Variants in FBXL7 observed in about 807,000 individuals in gnomAD.
FBXL7 encodes the protein F-box/LRR-repeat protein 7.
In FBXL7, 12 loss-of-function variants were observed where a neutral mutation model predicts 38.3. The observed-to-expected ratio is 0.31, with a 90% CI of 0.20 to 0.51. The LOEUF (loss-of-function observed/expected upper bound fraction) is 0.51, where lower values mean the gene tolerates loss of function less well. Among genes scored for constraint, FBXL7 ranks in the 20% least tolerant of loss-of-function variants. The probability of loss-of-function intolerance (pLI) is 0.98; values close to 1 mark genes in which losing one functional copy is unlikely to be tolerated. For synonymous variants in FBXL7, 297 were observed against 300.9 expected, an observed-to-expected ratio of 0.99 and a Z score of 0.13; for missense variants, 567 against 676.4, an observed-to-expected ratio of 0.84 and a Z score of 1.79.
chr5:15,515,947 T>G (rs1338522988), intron 1 of FBXL7, among the ~76,000 whole-genome samples: 1 of 152,312 alleles, frequency 6.6e-6, no homozygotes, highest in African/African-American at 2.4e-5. Flanking sequence ...TAAAAACAGA[T>G]GATTAGCTTA....
At chr5:15,724,572 G>A (rs1744289903) in intron 2 of FBXL7, among the ~76,000 whole-genome samples, 1 of 152,128 alleles carries the variant, frequency 6.6e-6, no homozygotes, top group Non-Finnish European at 1.5e-5. Context: ...AACTGTCCCA[G>A]AATTTCATAA....
intron 2 of FBXL7, among the ~76,000 whole-genome samples, chr5:15,717,055 G>T (rs1173872200): frequency 2.6e-5 from 4 of 152,094 alleles, no homozygotes; most frequent in Non-Finnish European, 5.9e-5. Context: ...TTTAGCTTTG[G>T]TATGACTTTA....
At chr5:15,897,631 T>A (rs1223517144) in intron 2 of FBXL7, among the ~76,000 whole-genome samples, 2 of 151,870 alleles carry the variant, frequency 1.3e-5, no homozygotes, top group African/African-American at 2.4e-5. Flanking sequence ...ACAACATGAG[T>A]AGTGTCTGAA....
At chr5:15,762,649 TCTTA>T (rs1736480532) in intron 2 of FBXL7, among the ~76,000 whole-genome samples, 1 of 152,236 alleles carries the variant, frequency 6.6e-6, no homozygotes. Flanking sequence ...CAATGCTCTC[TCTTA>T]GAGTTGTTTT....
chr5:15,543,325 T>C (rs1284724615), intron 1 of FBXL7, among the ~76,000 whole-genome samples: 1 of 151,892 alleles, frequency 6.6e-6, no homozygotes, highest in Non-Finnish European at 1.5e-5. Context: ...ATCATATCTG[T>C]GAGACTTACT....
intron 2 of FBXL7, among the ~76,000 whole-genome samples, chr5:15,856,971 T>C (rs1165912159): frequency 6.6e-6 from 1 of 152,222 alleles, no homozygotes; most frequent in Non-Finnish European, 1.5e-5. Context: ...GCAAGTATTT[T>C]TGTAAGATAA....
At chr5:15,524,858 C>A (rs1037244067) in intron 1 of FBXL7, among the ~76,000 whole-genome samples, 2 of 152,116 alleles carry the variant, frequency 1.3e-5, no homozygotes, top group African/African-American at 4.8e-5. Flanking sequence ...GCTGAAGGAA[C>A]AAGGAGTGGC....
At chr5:15,536,593 C>T (rs898020059) in intron 1 of FBXL7, among the ~76,000 whole-genome samples, 1 of 152,146 alleles carries the variant, frequency 6.6e-6, no homozygotes, top group African/African-American at 2.4e-5. Flanking sequence ...CTTTGTTTTG[C>T]CCAGTTTGTC....
chr5:15,794,185 C>T (rs116628367), intron 2 of FBXL7, among the ~76,000 whole-genome samples: 166 of 152,256 alleles, frequency 1.1e-3, no homozygotes, highest in Non-Finnish European at 1.9e-3. Flanking sequence ...TGGCTAAAAG[C>T]GGAATAGACA....
intron 2 of FBXL7, among the ~76,000 whole-genome samples, chr5:15,838,441 C>T (rs953033412): frequency 1.1e-4 from 16 of 152,032 alleles, no homozygotes; most frequent in Non-Finnish European, 2.2e-4. Flanking sequence ...ACCTAATCAC[C>T]TCCCAGGCAC....
At chr5:15,712,107 A>T (rs1743892936) in intron 2 of FBXL7, among the ~76,000 whole-genome samples, 1 of 152,224 alleles carries the variant, frequency 6.6e-6, no homozygotes, top group Admixed American at 6.5e-5. Context: ...ACAGAAGCAG[A>T]TATACAGAGG....
At chr5:15,734,836 G>C (rs1735704985) in intron 2 of FBXL7, among the ~76,000 whole-genome samples, 1 of 152,238 alleles carries the variant, frequency 6.6e-6, no homozygotes, top group Non-Finnish European at 1.5e-5. Flanking sequence ...AGAAAAGAGA[G>C]AAAGCATGTC....
intron 2 of FBXL7, among the ~76,000 whole-genome samples, chr5:15,643,586 A>G (rs1476863066): frequency 2.0e-5 from 3 of 152,104 alleles, no homozygotes; most frequent in Admixed American, 1.3e-4. Flanking sequence ...TACTTCTTTG[A>G]AATGTTAAGT....
At chr5:15,805,264 A>G (rs888340429) in intron 2 of FBXL7, among the ~76,000 whole-genome samples, 3 of 152,186 alleles carry the variant, frequency 2.0e-5, no homozygotes, top group Non-Finnish European at 4.4e-5. Flanking sequence ...TCTGCCCACA[A>G]CAGCTTTATA....
At chr5:15,850,153 T>G (rs1739049258) in intron 2 of FBXL7, among the ~76,000 whole-genome samples, 1 of 152,222 alleles carries the variant, frequency 6.6e-6, no homozygotes, top group Non-Finnish European at 1.5e-5. Context: ...GCTATTACTT[T>G]TTAGTATACA....
At chr5:15,590,514 C>A (rs1739439280) in intron 1 of FBXL7, among the ~76,000 whole-genome samples, 1 of 152,046 alleles carries the variant, frequency 6.6e-6, no homozygotes, top group Admixed American at 6.5e-5. Context: ...CTCCCACCTC[C>A]TTTTTCTCTT....
intron 2 of FBXL7, among the ~76,000 whole-genome samples, chr5:15,711,525 C>G (rs896477998): frequency 6.6e-6 from 1 of 152,168 alleles, no homozygotes; most frequent in African/African-American, 2.4e-5. Context: ...GTTAGGACTT[C>G]AACATAACTT....
chr5:15,604,822 G>T (rs916070801), intron 1 of FBXL7, among the ~76,000 whole-genome samples: 1 of 152,162 alleles, frequency 6.6e-6, no homozygotes, highest in Non-Finnish European at 1.5e-5. Context: ...CTCCATCTCA[G>T]TTGAGGCTGT....
At chr5:15,906,764 G>A (rs1439833428) in intron 2 of FBXL7, among the ~76,000 whole-genome samples, 2 of 71,158 alleles carry the variant, frequency 2.8e-5, no homozygotes, top group Non-Finnish European at 5.3e-5. Context: ...AGAATATGCG[G>A]TGTTTGGTTT....
Sources: gnomAD v4.1 joint callset for allele counts (sites outside exome capture counted in the v4.1 genomes callset) on GRCh38, gnomAD v4.1.1 for gene constraint, MANE v1.5 for transcripts, NCBI Gene and HGNC (gene_info 2026-07-23, HGNC 2026-07-21) for gene names.